The following BBS9 variants were observed in gnomAD, a reference collection of about 807,000 sequenced individuals.
BBS9 encodes Bardet-Biedl syndrome 9.
In BBS9, 89 loss-of-function variants were observed where a neutral mutation model predicts 117.7. The observed-to-expected ratio is 0.76, with a 90% confidence interval of 0.64 to 0.90. The LOEUF is 0.90. Ranked by LOEUF, BBS9 falls within the 40% of genes least tolerant of loss-of-function variation. The pLI, the probability that BBS9 is intolerant of heterozygous loss-of-function variation, is 0.00. For synonymous variants in BBS9, 379 were observed against 370.9 expected, an observed-to-expected ratio of 1.02 and a Z score of -0.25; for missense variants, 982 against 1,042.2, an observed-to-expected ratio of 0.94 and a Z score of 0.80.
chr7:33,527,249 G>A (rs1849701733), intron 20 of BBS9, among the ~76,000 whole-genome samples: 1 of 152,220 alleles, frequency 6.6e-6, no homozygotes, highest in African/African-American at 2.4e-5. Flanking sequence ...AAGCAGGCAG[G>A]CCTCCTTGAG....
At chr7:33,598,743 A>T (rs1563427911) in intron 21 of BBS9, among the ~76,000 whole-genome samples, 2 of 152,214 alleles carry the variant, frequency 1.3e-5, no homozygotes, top group Non-Finnish European at 2.9e-5. Context: ...ATGCTTTCAA[A>T]CTTATGATAA....
chr7:33,411,673 T>A (rs936877163), intron 19 of BBS9, among the ~76,000 whole-genome samples: 2 of 152,142 alleles, frequency 1.3e-5, no homozygotes, highest in Non-Finnish European at 2.9e-5. Context: ...TTATTCAGTC[T>A]ACAAATGTTC....
intron 16 of BBS9, among the ~76,000 whole-genome samples, chr7:33,360,865 G>A (rs1033884818): frequency 6.6e-6 from 1 of 152,018 alleles, no homozygotes; most frequent in African/African-American, 2.4e-5. Flanking sequence ...ATCCAGAAGT[G>A]GGCAGTGGAA....
chr7:33,508,562 A>C (rs555342818), intron 20 of BBS9, among the ~76,000 whole-genome samples: 1 of 152,370 alleles, frequency 6.6e-6, no homozygotes, highest in Non-Finnish European at 1.5e-5. Flanking sequence ...TGAGACAGAA[A>C]GGAGAAAGGG....
At chr7:33,370,193 T>TACCC in intron 17 of BBS9, among the ~76,000 whole-genome samples, 1 of 152,112 alleles carries the variant, frequency 6.6e-6, no homozygotes, top group East Asian at 1.9e-4. Context: ...TGTAGCAGCT[T>TACCC]ACCCCTTTAA....
intron 21 of BBS9, among the ~76,000 whole-genome samples, chr7:33,553,523 A>T (rs933335511): frequency 6.6e-6 from 1 of 151,752 alleles, no homozygotes; most frequent in African/African-American, 2.4e-5. Context: ...ATGCCCTCTG[A>T]CTCTTCATGT....
chr7:33,322,895 C>T (rs1410675517), intron 9 of BBS9, among the ~76,000 whole-genome samples: 1 of 152,076 alleles, frequency 6.6e-6, no homozygotes, highest in Non-Finnish European at 1.5e-5. Flanking sequence ...CCTTCTAGTA[C>T]TGCTTTTGCT....
intron 1 of BBS9, among the ~76,000 whole-genome samples, chr7:33,134,787 G>A (rs1038176968): frequency 2.6e-5 from 4 of 151,958 alleles, no homozygotes; most frequent in East Asian, 3.9e-4. Context: ...GTATAGATGC[G>A]GTCTCGCTTT....
chr7:33,344,695 T>A (rs1817276577), intron 12 of BBS9, 61 bp downstream of exon 12: 7 of 1,508,280 alleles, frequency 4.6e-6, no homozygotes, highest in Non-Finnish European at 6.5e-6. Flanking sequence ...ATTACATCTG[T>A]CACTGTTGAG....
chr7:33,368,849 A>G (rs1822319853), intron 17 of BBS9, among the ~76,000 whole-genome samples: 1 of 152,138 alleles, frequency 6.6e-6, no homozygotes, highest in Non-Finnish European at 1.5e-5. Context: ...TAAAATCATA[A>G]TAGTTTCTGG....
At chr7:33,250,998 G>A (rs150735960) in intron 5 of BBS9, among the ~76,000 whole-genome samples, 40 of 152,260 alleles carry the variant, frequency 2.6e-4, no homozygotes, top group African/African-American at 8.9e-4. Flanking sequence ...TGATTGAAGC[G>A]GAATGAGAAG....
chr7:33,496,656 C>A (rs1377665522), intron 19 of BBS9, among the ~76,000 whole-genome samples: 1 of 152,066 alleles, frequency 6.6e-6, no homozygotes, highest in Non-Finnish European at 1.5e-5. Context: ...AATATAATAG[C>A]AAAAACAGCT....
chr7:33,320,710 A>G (rs954542449), intron 9 of BBS9, among the ~76,000 whole-genome samples: 52 of 152,104 alleles, frequency 3.4e-4, no homozygotes, highest in African/African-American at 1.2e-3. Flanking sequence ...TCTAACAACA[A>G]TGTATGAGTG....
At chr7:33,504,149 C>G (rs1845830414) in intron 19 of BBS9, among the ~76,000 whole-genome samples, 3 of 152,158 alleles carry the variant, frequency 2.0e-5, no homozygotes, top group Admixed American at 2.0e-4. Context: ...CAGTACTAGG[C>G]ACATAGCAAG....
At chr7:33,617,222 A>G (rs536456249) in intron 21 of BBS9, among the ~76,000 whole-genome samples, 2 of 152,244 alleles carry the variant, frequency 1.3e-5, no homozygotes, top group Admixed American at 6.6e-5. Context: ...AGACCCAACT[A>G]TATCTTGTCA....
intron 21 of BBS9, among the ~76,000 whole-genome samples, chr7:33,537,745 G>A (rs536792789): frequency 2.6e-5 from 4 of 152,210 alleles, no homozygotes; most frequent in South Asian, 2.1e-4. Flanking sequence ...TATTTTGCAG[G>A]AGGCTTCCTT....
rs1490687348 is a variant in BBS9 at position 33,451,778 on chromosome 7, A to G, written c.2116-53685A>G. Among the ~76,000 whole-genome samples the G allele has an allele frequency of 9.2e-5, 14 of 152,196 alleles. No homozygotes were observed. In the South Asian group the frequency reaches 2.9e-3, roughly 32 times the overall value. ...TAGTAACTCTGAGATTGCTTTTGGT[A>G]CTGTGGACATTTTAACAATTTTTGT... On this transcript the variant is annotated intron_variant, in intron 19 of 22. Coordinates refer to ENST00000242067, the MANE Select transcript of BBS9 (RefSeq NM_198428.3).
intron 12 of BBS9, 104 bp from the exon 13 acceptor site, chr7:33,348,957 TCCTCAGG>T: frequency 1.3e-6 from 1 of 749,944 alleles, no homozygotes; most frequent in Non-Finnish European, 2.3e-6. Context: ...ACTCATTTTT[TCCTCAGG>T]TAATATTTTC....
At chr7:33,527,645 T>A (rs1849830373) in intron 20 of BBS9, among the ~76,000 whole-genome samples, 1 of 152,202 alleles carries the variant, frequency 6.6e-6, no homozygotes, top group Admixed American at 6.5e-5. Context: ...GCGCCCACTG[T>A]CTGGCACTCC....
Sources: allele counts gnomAD v4.1 joint callset (sites outside exome capture counted in the v4.1 genomes callset), GRCh38; gene constraint gnomAD v4.1.1; transcripts MANE v1.5; gene names NCBI Gene and HGNC (gene_info 2026-07-23, HGNC 2026-07-21).